Variants in MTMR10 observed in about 807,000 individuals in gnomAD.
The protein encoded by MTMR10 is myotubularin-related protein 10.
A neutral mutation model predicts 88.1 loss-of-function variants in MTMR10; 56 were observed. That is an observed-to-expected ratio of 0.64 (90% confidence interval 0.51 to 0.79). MTMR10 has a LOEUF of 0.79. Ranked by LOEUF, MTMR10 falls within the 30% of genes least tolerant of loss-of-function variation. The probability of loss-of-function intolerance (pLI) is 0.00; values close to 1 mark genes in which losing one functional copy is unlikely to be tolerated. For missense variants in MTMR10, 883 were observed against 924.7 expected (o/e 0.95, Z 0.58); for synonymous variants, 380 against 340.9 (o/e 1.11, Z -1.26).
intron 10 of MTMR10, among the ~76,000 whole-genome samples, chr15:30,954,136 G>C (rs553691218): frequency 1.3e-5 from 2 of 152,114 alleles, no homozygotes; most frequent in Non-Finnish European, 2.9e-5. Context: ...TAATCATTCA[G>C]GACACTAGTT....
chr15:30,940,412 T>A lies in MTMR10; in HGVS notation c.*1058A>T. 1.0e-6 allele frequency: 1 copy of A among 985,422 alleles called. No homozygotes were observed. Among genetic ancestry groups the A allele is most frequent in the Non-Finnish European group, 1.2e-6 (1 of 829,932 alleles). The allele number at this position is 985,422 out of a possible 1,614,324, so 61.0% of individuals were successfully genotyped here. On this transcript the variant is annotated 3_prime_UTR_variant, in exon 16 of 16. Coordinates refer to ENST00000435680, the MANE Select transcript of MTMR10 (RefSeq NM_017762.3). ...GCAGTGTTTTGAGAGAATCCATTTT[T>A]TTATTTCTCCTCTATTCCTAAGCAT...
chr15:30,952,825 T>G (rs1435092716), intron 11 of MTMR10, among the ~76,000 whole-genome samples: 1 of 152,110 alleles, frequency 6.6e-6, no homozygotes, highest in Non-Finnish European at 1.5e-5. Flanking sequence ...AGACTTGCTC[T>G]ATCACCCAGG....
chr15:30,930,527 T>TGTGTTTTGTGTTCAGGATC, the MTMR10 span: 1 of 1,581,496 alleles, frequency 6.3e-7, no homozygotes, highest in African/African-American at 1.4e-5. Context: ...CTAACTGTCC[T>TGTGTTTTGTGTTCAGGATC]GTGTTTTGTG....
In MTMR10 at chr15:30,940,337, T is replaced by C; in HGVS notation, c.*1133A>G. The C allele has an allele frequency of 2.0e-6, 2 of 985,454 alleles. No individual in the cohort carries two copies. Among genetic ancestry groups the C allele is most frequent in the Non-Finnish European group, 2.4e-6 (2 of 829,924 alleles). 61.0% of individuals were successfully genotyped at this position (985,454 alleles called of 1,614,324 possible). A position where few individuals can be genotyped will look rare whatever the true frequency, so the allele number is the denominator to read the frequency against. On this transcript the variant is annotated 3_prime_UTR_variant, in exon 16 of 16. Transcript: ENST00000435680. The stretch of plus-strand genomic sequence containing the variant: ...TGTGTCTGCTCATTCTCCTCAACTT[T>C]GCTGTCCAAAGTTGGGGGCTGGGGG...
intron 2 of MTMR10, among the ~76,000 whole-genome samples, chr15:30,977,778 T>C (rs1390572337): frequency 6.6e-6 from 1 of 152,194 alleles, no homozygotes; most frequent in Admixed American, 6.5e-5. Context: ...CTCCTACCAA[T>C]TCATGAAGAA....
Position 30,948,426 on chromosome 15 carries a change from T to C in MTMR10, c.1253A>G (p.Gln418Arg), listed in dbSNP as rs1224142112. The C allele has an allele frequency of 2.5e-6, 4 of 1,612,516 alleles. No individual in the cohort carries two copies. Among genetic ancestry groups the C allele is most frequent in the Non-Finnish European group, 3.4e-6 (4 of 1,179,134 alleles). Residue 418 changes from glutamine to arginine, a missense_variant, in exon 13 of 16, where the codon CAA (glutamine) becomes CGA (arginine). By Grantham distance (43) the Gln-to-Arg change is conservative (BLOSUM62 1). Around this residue, in one of 3 missense-constraint regions of MTMR10, gnomAD observed 126 missense variants for 178.2 expected, o/e 0.71. Transcript: ENST00000435680. ...DLSCCVASLV[Q>R]VMLDPYFRTI... is the part of the protein sequence containing the mutation. ...CCTAAAATAGGGATCCAGCATCACT[T>C]GAACAAGAGAAGCTACACAACAGCT... is the stretch of plus-strand genomic sequence containing the variant.
the MTMR10 span, chr15:30,929,301 C>T: frequency 6.2e-7 from 1 of 1,612,748 alleles, no homozygotes; most frequent in Non-Finnish European, 8.5e-7. Context: ...CCGAGGAGAG[C>T]CTGCGGGCCT....
chr15:30,947,625 A>G (rs1223546083), intron 13 of MTMR10, among the ~76,000 whole-genome samples: 1 of 152,226 alleles, frequency 6.6e-6, no homozygotes, highest in African/African-American at 2.4e-5. Context: ...TTTAGATTAT[A>G]TAACAAAACA....
intron 13 of MTMR10, 117 bp from the exon 14 acceptor site, chr15:30,947,417 A>G (rs2063186884): frequency 8.3e-7 from 1 of 1,208,148 alleles, no homozygotes; most frequent in African/African-American, 1.6e-5. Flanking sequence ...ATCGAAGCCT[A>G]AAACACTTGC....
chr15:30,985,113 T>C (rs954192792), intron 2 of MTMR10, among the ~76,000 whole-genome samples: 4 of 152,210 alleles, frequency 2.6e-5, no homozygotes, highest in African/African-American at 9.6e-5. Flanking sequence ...AAAAAGAGCA[T>C]GCCCTGGGGT....
chr15:30,943,141 C>CCACTAG, intron 14 of MTMR10, 69 bp from the exon 15 acceptor site: 25 of 1,494,276 alleles, frequency 1.7e-5, no homozygotes, highest in Non-Finnish European at 2.2e-5. Flanking sequence ...TTCAGATGAG[C>CCACTAG]CACTCATCAT....
chr15:30,981,857 G>C (rs1448744142), intron 2 of MTMR10, among the ~76,000 whole-genome samples: 1 of 152,068 alleles, frequency 6.6e-6, no homozygotes, highest in African/African-American at 2.4e-5. Flanking sequence ...ATCACTTGAG[G>C]TCAGGAGTTC....
At chr15:30,957,448 T>C (rs1056191097) in intron 9 of MTMR10, among the ~76,000 whole-genome samples, 2 of 152,106 alleles carry the variant, frequency 1.3e-5, no homozygotes, top group Non-Finnish European at 2.9e-5. Flanking sequence ...GTGAGCCGGG[T>C]GCAGTGGCTC....
intron 14 of MTMR10, among the ~76,000 whole-genome samples, chr15:30,944,565 C>CA (rs36025105): frequency 0.041 from 3,736 of 90,224 alleles, 175 homozygotes; most frequent in African/African-American, 0.12. Context: ...GACTCTGTCT[C>CA]AAAAAAAAAA....
chr15:30,943,906 G>C (rs2063125847), intron 14 of MTMR10: 2 of 985,396 alleles, frequency 2.0e-6, no homozygotes, highest in Non-Finnish European at 2.4e-6. Flanking sequence ...GGCTACCACA[G>C]CAGTGTATAC....
the MTMR10 span, chr15:30,920,762 A>G: frequency 1.6e-6 from 1 of 643,706 alleles, no homozygotes; most frequent in African/African-American, 1.9e-5. Flanking sequence ...GTTAGCACAC[A>G]GTAATATAAT....
At chr15:30,951,249 T>A (rs1463659196) in intron 12 of MTMR10, among the ~76,000 whole-genome samples, 4 of 152,246 alleles carry the variant, frequency 2.6e-5, no homozygotes, top group Non-Finnish European at 5.9e-5. Flanking sequence ...AGCAGTTCAG[T>A]CTAAATTTCT....
In MTMR10 at chr15:30,954,765, T is replaced by C. The variant is rs1488820031; in HGVS notation, c.1064A>G (p.Asn355Ser). 2 of 1,595,622 alleles carry C rather than the reference T, an allele frequency of 1.3e-6. No individual in the cohort carries two copies. The change falls in exon 10 of 16, where the codon AAT (asparagine) becomes AGT (serine). Residue 355 changes from asparagine to serine, a missense_variant and splice_region_variant. This residue lies in a region of MTMR10 where 414 missense variants were observed against 423.2 expected (regional missense o/e 0.98). Coordinates refer to ENST00000435680, the MANE Select transcript of MTMR10 (RefSeq NM_017762.3). ...AFVKLKQLCVNEPFEETEEKW... is the reference protein window; with the variant it reads ...AFVKLKQLCVSEPFEETEEKW... ...ATATGAAATAAGAATGAAATTACCA[T>C]TAACGCATAGCTGCTTCAGTTTTAC...
Position 30,939,561 on chromosome 15 carries a change from A to T in MTMR10, c.*1909T>A, listed in dbSNP as rs374168005. 5.2e-6 allele frequency: 5 copies of T among 963,486 alleles called. No individual in the cohort carries two copies. Among genetic ancestry groups the T allele is most frequent in the Non-Finnish European group, 6.2e-6 (5 of 810,056 alleles). The allele number at this position is 963,486 out of a possible 1,614,324, so 59.7% of individuals were successfully genotyped here. ...TAAAAGTATTTTACATTTGATTATC[A>T]TACAAAAATATGCATTTTTCTATTT... On this transcript the variant is annotated 3_prime_UTR_variant, in exon 16 of 16. Transcript: ENST00000435680.
Sources: allele counts gnomAD v4.1 joint callset (sites outside exome capture counted in the v4.1 genomes callset), GRCh38; gene constraint gnomAD v4.1.1; regional missense constraint gnomAD v4.1.1; transcripts MANE v1.5; gene names NCBI Gene and HGNC (gene_info 2026-07-23, HGNC 2026-07-21).